NRXN1: variants seen among roughly 807,000 people sequenced by gnomAD.
The protein encoded by NRXN1 is neurexin-1.
In NRXN1, 39 loss-of-function variants were observed where a neutral mutation model predicts 150.9. The ratio of observed to expected loss-of-function variants is 0.26; its 90% CI spans 0.20 to 0.34. The LOEUF is 0.34. Ranked by LOEUF, NRXN1 falls within the 10% of genes least tolerant of loss-of-function variation. NRXN1 has a pLI of 1.00. For synonymous variants in NRXN1, 924 were observed against 757.0 expected, an observed-to-expected ratio of 1.22 and a Z score of -3.62; for missense variants, 1,815 against 1,949.9, an observed-to-expected ratio of 0.93 and a Z score of 1.30.
At chr2:50,610,665 A>ATATATATATATG (rs1313698448) in intron 8 of NRXN1, among the ~76,000 whole-genome samples, 1 of 121,126 alleles carries the variant, frequency 8.3e-6, no homozygotes, top group African/African-American at 3.3e-5. Context: ...ATATATATAT[A>ATATATATATATG]TATATATATA....
intron 18 of NRXN1, among the ~76,000 whole-genome samples, chr2:50,214,769 A>G (rs1167461980): frequency 6.6e-6 from 1 of 152,002 alleles, no homozygotes; most frequent in Non-Finnish European, 1.5e-5. Context: ...GCTTTCTTGT[A>G]TGATTTTTGG....
In NRXN1 at chr2:50,347,677, G is replaced by C. The variant is rs1012989090; in HGVS notation, c.3365-110707C>G. 7 of 986,884 alleles carry C rather than the reference G, an allele frequency of 7.1e-6. No homozygotes were observed. The highest frequency in any genetic ancestry group is 4.7e-5 in the South Asian group (1 of 21,456). 61.1% of individuals were successfully genotyped at this position (986,884 alleles called of 1,614,324 possible). ...TTCTGAAGGAAGTGGGAATCGAACG[G>C]CGGAAAGGCAGCTGAGAAGAAGATG... On this transcript the variant is annotated intron_variant, in intron 17 of 22. Transcript: ENST00000401669. This position sits in a 1 kb window ranked among gnomAD's most constrained non-coding sequence, Gnocchi z 4.9.
At chr2:50,644,465 C>T (rs999287438) in intron 5 of NRXN1, among the ~76,000 whole-genome samples, 1 of 151,412 alleles carries the variant, frequency 6.6e-6, no homozygotes, top group Non-Finnish European at 1.5e-5. Context: ...GAAATAAATA[C>T]AAAAATTAAC....
intron 18 of NRXN1, among the ~76,000 whole-genome samples, chr2:50,183,848 A>C (rs897762192): frequency 3.9e-5 from 6 of 151,948 alleles, no homozygotes; most frequent in African/African-American, 1.4e-4. Flanking sequence ...TTGCATTTAC[A>C]GACTTTCTAA....
In NRXN1 at chr2:50,163,425, G is replaced by A. The variant is rs544409340; in HGVS notation, c.3547-71931C>T. On this transcript the variant is annotated intron_variant, in intron 18 of 22. Coordinates refer to ENST00000401669, the MANE Select transcript of NRXN1 (RefSeq NM_001330078.2). ...TTGGCCTCTGCAACTTGTAAGAGTA[G>A]AGGGAAAACAGACAGATCTACTTGA... Among the ~76,000 whole-genome samples, 7 of 152,212 alleles carry A rather than the reference G, an allele frequency of 4.6e-5. No homozygotes were observed. In the East Asian group the frequency reaches 1.4e-3, roughly 29 times the overall value.
chr2:50,656,451 G>A (rs1040057520), intron 5 of NRXN1: 2 of 756,230 alleles, frequency 2.6e-6, no homozygotes, highest in Non-Finnish European at 4.9e-6. Flanking sequence ...CAAGTTTCTA[G>A]ATTCTTTTCA....
At chr2:50,914,916 A>T (rs1317281191) in intron 5 of NRXN1, among the ~76,000 whole-genome samples, 1 of 151,628 alleles carries the variant, frequency 6.6e-6, no homozygotes, top group Non-Finnish European at 1.5e-5. Context: ...CTTGAGACAC[A>T]TCAGGGCAGG....
At chr2:50,746,845 G>A (rs767299293) in intron 5 of NRXN1, among the ~76,000 whole-genome samples, 15 of 152,152 alleles carry the variant, frequency 9.9e-5, no homozygotes, top group African/African-American at 1.7e-4. Flanking sequence ...GAGAAGGACC[G>A]TTTCAAGAGC....
At chr2:50,553,253 C>T (rs997142661) in intron 8 of NRXN1, among the ~76,000 whole-genome samples, 4 of 152,138 alleles carry the variant, frequency 2.6e-5, no homozygotes, top group African/African-American at 7.2e-5. Flanking sequence ...CAGATGCACC[C>T]GCGCATGTGC....
Position 50,347,147 on chromosome 2 carries a change from A to C in NRXN1, c.3365-110177T>G. ...TCCGCCGTGCCTAGCACCCCAAACA[A>C]TCCGAAACATAGCCGAGGCGAATGC... On this transcript the variant is annotated intron_variant, in intron 17 of 22. Coordinates refer to ENST00000401669, the MANE Select transcript of NRXN1 (RefSeq NM_001330078.2). The surrounding 1 kb of genome is among the most constrained non-coding windows in gnomAD (Gnocchi z 4.9). The C allele has an allele frequency of 1.5e-6, 2 of 1,374,850 alleles. No homozygotes were observed. Among genetic ancestry groups the C allele is most frequent in the Non-Finnish European group, 9.6e-7 (1 of 1,045,540 alleles). The allele number at this position is 1,374,850 out of a possible 1,614,324, so 85.2% of individuals were successfully genotyped here.
At chr2:50,548,061 CT>C (rs1333840923) in intron 9 of NRXN1, 2 of 152,098 alleles carry the variant, frequency 1.3e-5, no homozygotes, top group Non-Finnish European at 2.9e-5. Context: ...TCATATACCC[CT>C]TTCAGTGAAC....
chr2:50,932,693 C>T (rs1273766362), intron 2 of NRXN1, among the ~76,000 whole-genome samples: 1 of 151,988 alleles, frequency 6.6e-6, no homozygotes, highest in African/African-American at 2.4e-5. Context: ...CTTATCCATG[C>T]AACCAAACAC....
At chr2:50,386,482 T>C (rs1186363219) in intron 17 of NRXN1, among the ~76,000 whole-genome samples, 2 of 152,120 alleles carry the variant, frequency 1.3e-5, no homozygotes, top group African/African-American at 4.8e-5. Flanking sequence ...CGGTTGTCTT[T>C]TTTTCAGCAA....
chr2:49,972,653 C>T (rs1327761546), intron 21 of NRXN1: 3 of 152,112 alleles, frequency 2.0e-5, no homozygotes, highest in Admixed American at 6.5e-5. Flanking sequence ...TGACAAACAC[C>T]ACAAATAGAC....
intron 5 of NRXN1, among the ~76,000 whole-genome samples, chr2:50,856,539 C>T (rs1027354591): frequency 6.6e-6 from 1 of 151,956 alleles, no homozygotes; most frequent in African/African-American, 2.4e-5. Context: ...ATAATGTATT[C>T]GGTGAAAATA....
At chr2:49,974,064 A>C (rs1573152390) in intron 21 of NRXN1, 3 of 717,384 alleles carry the variant, frequency 4.2e-6, no homozygotes, top group South Asian at 3.0e-5. Context: ...ATCCTAGGAA[A>C]TTTAGTCCAT....
intron 18 of NRXN1, among the ~76,000 whole-genome samples, chr2:50,223,976 T>C (rs2064125016): frequency 6.6e-6 from 1 of 151,910 alleles, no homozygotes; most frequent in African/African-American, 2.4e-5. Context: ...TAGGCACAAC[T>C]CACAAAGCAG....
At chr2:50,244,803 T>G (rs894593586) in intron 17 of NRXN1, among the ~76,000 whole-genome samples, 2 of 151,920 alleles carry the variant, frequency 1.3e-5, no homozygotes, top group African/African-American at 4.8e-5. Context: ...TGAATATTTG[T>G]CAAATATTTG....
intron 12 of NRXN1, among the ~76,000 whole-genome samples, chr2:50,511,129 C>T (rs2105040731): frequency 6.6e-6 from 1 of 151,996 alleles, no homozygotes; most frequent in South Asian, 2.1e-4. Flanking sequence ...GGTGCAATCT[C>T]GGCTCACTGC....
Sources: allele counts gnomAD v4.1 joint callset (sites outside exome capture counted in the v4.1 genomes callset), GRCh38; gene constraint gnomAD v4.1.1; non-coding constraint Gnocchi (gnomAD v3.1); transcripts MANE v1.5; gene names NCBI Gene and HGNC (gene_info 2026-07-23, HGNC 2026-07-21).